The following C12orf42 variants were observed in gnomAD, a reference collection of about 807,000 sequenced individuals.
The protein encoded by C12orf42 is chromosome 12 open reading frame 42, also known as uncharacterized protein C12orf42.
Under a neutral mutation model 21.6 loss-of-function variants are expected in C12orf42, and 25 were observed. The ratio of observed to expected loss-of-function variants is 1.16; its 90% confidence interval spans 0.84 to 1.62. C12orf42 has a LOEUF of 1.62. Among genes scored for constraint, C12orf42 ranks in the 40% most tolerant of loss-of-function variants. C12orf42 has a pLI of 0.00. For missense variants in C12orf42, 483 were observed against 459.3 expected (o/e 1.05, Z -0.47); for synonymous variants, 174 against 175.0 (o/e 0.99, Z 0.05).
intron 2 of C12orf42, among the ~76,000 whole-genome samples, chr12:103,418,096 G>T (rs889282448): frequency 1.3e-5 from 2 of 152,136 alleles, no homozygotes; most frequent in Admixed American, 1.3e-4. Flanking sequence ...CATAGAAATG[G>T]TATTTAAATT....
At chr12:103,287,488 A>T (rs986306624) in intron 4 of C12orf42, among the ~76,000 whole-genome samples, 7 of 152,008 alleles carry the variant, frequency 4.6e-5, no homozygotes, top group Non-Finnish European at 8.8e-5. Flanking sequence ...TCTCACTCAT[A>T]GGTGGGAATT....
chr12:103,307,867 G>T (rs1397019921), intron 4 of C12orf42, among the ~76,000 whole-genome samples: 1 of 152,122 alleles, frequency 6.6e-6, no homozygotes, highest in Non-Finnish European at 1.5e-5. Context: ...GGGATGAAAA[G>T]ATGCAAGATT....
the C12orf42 span, among the ~76,000 whole-genome samples, chr12:103,115,985 C>A: frequency 2.0e-5 from 3 of 152,182 alleles, no homozygotes; most frequent in Admixed American, 6.5e-5. Flanking sequence ...TATTATTGCA[C>A]CTCTGATAAG....
chr12:103,326,416 TGCTTCCTTGCTCAAGGCCTTCCAATG>T (rs2040710920), intron 4 of C12orf42, among the ~76,000 whole-genome samples: 1 of 152,232 alleles, frequency 6.6e-6, no homozygotes, highest in Non-Finnish European at 1.5e-5. Context: ...CAGATCCTGT[TGCTTCCTTGCTCAAGGCCTTCCAATG>T]GCTTCCCATT....
the C12orf42 span, among the ~76,000 whole-genome samples, chr12:103,538,790 T>G: frequency 6.6e-6 from 1 of 152,102 alleles, no homozygotes; most frequent in East Asian, 1.9e-4. Context: ...ATTATATCTC[T>G]CCCTGCTTGA....
intron 4 of C12orf42, among the ~76,000 whole-genome samples, chr12:103,333,135 C>T (rs1460789760): frequency 6.6e-6 from 1 of 152,162 alleles, no homozygotes; most frequent in African/African-American, 2.4e-5. Flanking sequence ...ATTACCACAA[C>T]CTCTAATGTT....
chr12:103,454,626 C>T (rs1358234689), intron 2 of C12orf42, among the ~76,000 whole-genome samples: 1 of 152,130 alleles, frequency 6.6e-6, no homozygotes, highest in Non-Finnish European at 1.5e-5. Flanking sequence ...CTGAAAGTTA[C>T]TTCACAATTC....
chr12:103,336,843 G>C (rs1031198876), intron 4 of C12orf42, among the ~76,000 whole-genome samples: 2 of 152,120 alleles, frequency 1.3e-5, no homozygotes, highest in African/African-American at 4.8e-5. Flanking sequence ...CATTAGAAAT[G>C]AGTTTCCTTT....
chr12:103,159,175 G>A, the C12orf42 span, among the ~76,000 whole-genome samples: 1 of 152,116 alleles, frequency 6.6e-6, no homozygotes, highest in Non-Finnish European at 1.5e-5. Flanking sequence ...TTTTTTTAAA[G>A]TATACATAAA....
At chr12:103,461,616 T>A (rs77681781) in intron 2 of C12orf42, among the ~76,000 whole-genome samples, 1 of 152,204 alleles carries the variant, frequency 6.6e-6, no homozygotes, top group South Asian at 2.1e-4. Flanking sequence ...AGTACTGATA[T>A]AGGAATCTAG....
At chr12:103,259,600 T>A (rs1018671341) in intron 10 of C12orf42, among the ~76,000 whole-genome samples, 1 of 152,170 alleles carries the variant, frequency 6.6e-6, no homozygotes, top group Non-Finnish European at 1.5e-5. Context: ...ACTTTAAATC[T>A]CAGGATGTTC....
At chr12:103,285,416 G>A (rs1168109205) in intron 4 of C12orf42, among the ~76,000 whole-genome samples, 2 of 152,178 alleles carry the variant, frequency 1.3e-5, no homozygotes, top group Non-Finnish European at 2.9e-5. Flanking sequence ...GAGAGATTAA[G>A]GATCTAGCCT....
At chr12:103,435,161 G>T (rs915147228) in intron 2 of C12orf42, among the ~76,000 whole-genome samples, 2 of 152,024 alleles carry the variant, frequency 1.3e-5, no homozygotes, top group South Asian at 2.1e-4. Flanking sequence ...CACACAGCAG[G>T]GTATTCCAAC....
intron 10 of C12orf42, among the ~76,000 whole-genome samples, chr12:103,249,136 G>A (rs980661171): frequency 3.3e-5 from 5 of 151,948 alleles, no homozygotes; most frequent in African/African-American, 4.8e-5. Flanking sequence ...AGAAGGAGAC[G>A]CTTAAGATGA....
intron 4 of C12orf42, among the ~76,000 whole-genome samples, chr12:103,337,142 T>A (rs1055725284): frequency 6.6e-6 from 1 of 152,124 alleles, no homozygotes; most frequent in Non-Finnish European, 1.5e-5. Context: ...CAAAAATTAG[T>A]CAAGAAGAAG....
upstream of C12orf42, among the ~76,000 whole-genome samples, chr12:103,497,759 C>T (rs941674079): frequency 1.1e-4 from 17 of 152,184 alleles, no homozygotes; most frequent in Middle Eastern, 3.2e-3. Context: ...AGGCTGGGCA[C>T]GGTGGCTCAC....
the C12orf42 span, among the ~76,000 whole-genome samples, chr12:103,122,124 C>A: frequency 6.6e-6 from 1 of 152,164 alleles, no homozygotes; most frequent in East Asian, 1.9e-4. Context: ...ACTGTGGCTG[C>A]AGTTTGAAAT....
chr12:103,557,224 C>T, the C12orf42 span, among the ~76,000 whole-genome samples: 2 of 152,072 alleles, frequency 1.3e-5, no homozygotes, highest in African/African-American at 4.8e-5. Context: ...AGTTTGAGCT[C>T]ATTAGAGGAC....
At chr12:103,148,858 G>T in the C12orf42 span, among the ~76,000 whole-genome samples, 3 of 152,244 alleles carry the variant, frequency 2.0e-5, no homozygotes, top group Admixed American at 1.3e-4. Flanking sequence ...AGAAACTCTA[G>T]AACAAGCTCC....
Sources: gnomAD v4.1 joint callset for allele counts (sites outside exome capture counted in the v4.1 genomes callset) on GRCh38, gnomAD v4.1.1 for gene constraint, MANE v1.5 for transcripts, NCBI Gene and HGNC (gene_info 2026-07-23, HGNC 2026-07-21) for gene names.